The following CDH11 variants were observed in gnomAD, a reference collection of about 807,000 sequenced individuals.
The protein encoded by CDH11 is cadherin 11.
In CDH11, 11 loss-of-function variants were observed where a neutral mutation model predicts 67.8. The observed-to-expected ratio is 0.16, with a 90% CI of 0.10 to 0.27. The LOEUF (loss-of-function observed/expected upper bound fraction) is 0.27. Ranked by LOEUF, CDH11 falls within the 10% of genes least tolerant of loss-of-function variation. CDH11 has a pLI of 1.00. For synonymous variants in CDH11, 419 were observed against 400.0 expected (o/e 1.05, Z -0.57); for missense variants, 847 against 1,031.2 (o/e 0.82, Z 2.45).
intron 11 of CDH11, among the ~76,000 whole-genome samples, chr16:64,970,934 A>G (rs1226384831): frequency 1.3e-5 from 2 of 152,194 alleles, no homozygotes; most frequent in Non-Finnish European, 2.9e-5. Flanking sequence ...TACCAACTTT[A>G]TCTAGGGACT....
intron 1 of CDH11, among the ~76,000 whole-genome samples, chr16:65,055,582 AG>A (rs2074128623): frequency 6.6e-6 from 1 of 152,208 alleles, no homozygotes; most frequent in Non-Finnish European, 1.5e-5. Context: ...ATGTTGCCCC[AG>A]GATGAACAGT....
intron 2 of CDH11, among the ~76,000 whole-genome samples, chr16:65,039,789 G>A (rs535269297): frequency 8.5e-5 from 13 of 152,118 alleles, no homozygotes; most frequent in Non-Finnish European, 1.8e-4. Flanking sequence ...CAGAATGGGC[G>A]AAAATTTTTG....
intron 6 of CDH11, among the ~76,000 whole-genome samples, chr16:64,991,061 T>C (rs1442352051): frequency 6.6e-6 from 1 of 152,150 alleles, no homozygotes; most frequent in Non-Finnish European, 1.5e-5. Context: ...AGTGGAAACA[T>C]TTGGTGGCTT....
intron 1 of CDH11, among the ~76,000 whole-genome samples, chr16:65,063,976 A>G (rs1290303057): frequency 6.6e-6 from 1 of 152,232 alleles, no homozygotes; most frequent in African/African-American, 2.4e-5. Context: ...TCTAGTATTC[A>G]ACATGTGTTG....
At chr16:65,078,481 G>A (rs2074554878) in intron 1 of CDH11, among the ~76,000 whole-genome samples, 2 of 152,102 alleles carry the variant, frequency 1.3e-5, no homozygotes, top group African/African-American at 4.8e-5. Flanking sequence ...TAGCAGTATA[G>A]AGAGCCCCCA....
chr16:64,949,423 T>TC (rs1362663498), intron 12 of CDH11, among the ~76,000 whole-genome samples: 26 of 117,754 alleles, frequency 2.2e-4, no homozygotes, highest in African/African-American at 8.8e-4. Flanking sequence ...CCTTTTTTTT[T>TC]TCTTTTTTTT....
At chr16:65,071,812 G>A (rs1055322252) in intron 1 of CDH11, among the ~76,000 whole-genome samples, 5 of 152,190 alleles carry the variant, frequency 3.3e-5, no homozygotes, top group Non-Finnish European at 5.9e-5. Flanking sequence ...GACCCGAGCC[G>A]AAAGTACAGA....
Position 65,046,098 on chromosome 16 carries a change from G to A in CDH11, c.-173+7706C>T, listed in dbSNP as rs568761949. On this transcript the variant is annotated intron_variant, in intron 2 of 12. Transcript: ENST00000268603. ...AAACTATCCCTTTCCATGTAACGCA[G>A]GGAGGAAATGCACAGGTAACCTGAG... is the stretch of plus-strand genomic sequence containing the variant. Among the ~76,000 whole-genome samples, 3 of 152,308 alleles carry A rather than the reference G, an allele frequency of 2.0e-5. 1 individual carries two copies. The highest frequency in any genetic ancestry group is 4.1e-4 in the South Asian group (2 of 4,830).
intron 2 of CDH11, among the ~76,000 whole-genome samples, chr16:65,052,060 T>C (rs142190917): frequency 3.3e-5 from 5 of 152,292 alleles, no homozygotes; most frequent in African/African-American, 1.2e-4. Flanking sequence ...GAACCTGACA[T>C]ATAGTAAGCA....
intron 1 of CDH11, among the ~76,000 whole-genome samples, chr16:65,066,896 C>T (rs1305362586): frequency 2.6e-5 from 4 of 152,162 alleles, no homozygotes; most frequent in Non-Finnish European, 1.5e-5. Flanking sequence ...TAAAGTTTGA[C>T]ATCAGAGACA....
chr16:65,019,518 T>A (rs2073379909), intron 2 of CDH11, among the ~76,000 whole-genome samples: 1 of 152,170 alleles, frequency 6.6e-6, no homozygotes, highest in Non-Finnish European at 1.5e-5. Context: ...ATTTCACTTT[T>A]GCATTAGTGC....
At chr16:65,025,901 G>A (rs1166165691) in intron 2 of CDH11, among the ~76,000 whole-genome samples, 2 of 152,130 alleles carry the variant, frequency 1.3e-5, no homozygotes, top group Non-Finnish European at 1.5e-5. Flanking sequence ...GATGGTGCAG[G>A]TAGTGGGGAG....
chr16:65,062,627 C>T (rs1324974872), intron 1 of CDH11, among the ~76,000 whole-genome samples: 1 of 152,160 alleles, frequency 6.6e-6, no homozygotes, highest in Non-Finnish European at 1.5e-5. Flanking sequence ...TTGTTATTTG[C>T]CTTTTCCTAG....
At chr16:65,067,196 GAA>G (rs35005523) in intron 1 of CDH11, among the ~76,000 whole-genome samples, 25 of 142,480 alleles carry the variant, frequency 1.8e-4, no homozygotes, top group Admixed American at 2.8e-4. Context: ...GAGTCAACAG[GAA>G]AAAAAAAAAA....
At chr16:64,957,175 A>T (rs1313553389) in intron 11 of CDH11, among the ~76,000 whole-genome samples, 1 of 152,082 alleles carries the variant, frequency 6.6e-6, no homozygotes, top group Non-Finnish European at 1.5e-5. Context: ...GGCTCTGCAG[A>T]TGCTCTTCCT....
At chr16:65,042,014 A>T (rs2142670647) in intron 2 of CDH11, among the ~76,000 whole-genome samples, 1 of 152,372 alleles carries the variant, frequency 6.6e-6, no homozygotes, top group South Asian at 2.1e-4. Flanking sequence ...CCCAGGCTCC[A>T]GGCTTCTGCC....
chr16:65,111,593 A>C (rs1271416189), intron 1 of CDH11, among the ~76,000 whole-genome samples: 1 of 151,842 alleles, frequency 6.6e-6, no homozygotes, highest in East Asian at 2.0e-4. Flanking sequence ...CAATAAAAGA[A>C]GTGTGTAGAA....
At chr16:64,951,466 T>C (rs962142811) in intron 11 of CDH11, among the ~76,000 whole-genome samples, 1 of 151,912 alleles carries the variant, frequency 6.6e-6, no homozygotes, top group African/African-American at 2.4e-5. Flanking sequence ...AGACTTCACT[T>C]TGCTTTCCAG....
At chr16:64,958,890 T>G (rs1301491606) in intron 11 of CDH11, among the ~76,000 whole-genome samples, 2 of 152,168 alleles carry the variant, frequency 1.3e-5, no homozygotes, top group African/African-American at 4.8e-5. Context: ...ATTCAACAGC[T>G]GTTCCCATAG....
Sources: gnomAD v4.1 joint callset for allele counts (sites outside exome capture counted in the v4.1 genomes callset) on GRCh38, gnomAD v4.1.1 for gene constraint, MANE v1.5 for transcripts, NCBI Gene and HGNC (gene_info 2026-07-23, HGNC 2026-07-21) for gene names.